DAAM2: variants seen among roughly 807,000 people sequenced by gnomAD.
The protein encoded by DAAM2 is dishevelled associated activator of morphogenesis 2.
DAAM2 carries 39 observed loss-of-function variants against 120.7 expected under a neutral mutation model. That is an observed-to-expected ratio of 0.32 (90% confidence interval 0.25 to 0.42). DAAM2 has a LOEUF of 0.42. Among genes scored for constraint, DAAM2 ranks in the 10% least tolerant of loss-of-function variants. The pLI is 1.00. For synonymous variants in DAAM2, 488 were observed against 524.9 expected (o/e 0.93, Z 0.96); for missense variants, 1,283 against 1,401.7 (o/e 0.92, Z 1.35).
chr6:39,797,671 A>G (rs1320228186), intron 1 of DAAM2, among the ~76,000 whole-genome samples: 1 of 152,212 alleles, frequency 6.6e-6, no homozygotes, highest in Non-Finnish European at 1.5e-5. Flanking sequence ...CTAAGCTGAG[A>G]ATCACTGGTC....
chr6:39,896,734 G>A (rs2149371463), intron 19 of DAAM2, 78 bp from the exon 20 acceptor site: 1 of 1,308,648 alleles, frequency 7.6e-7, no homozygotes, highest in South Asian at 1.7e-5. Flanking sequence ...ACTTTGCGGT[G>A]GCATCTTCCT....
chr6:39,901,225 GAACCCAGCT>G lies in DAAM2; in HGVS notation c.2812-72_2812-64del, dbSNP rs1182771287. 2.8e-6 allele frequency: 4 copies of G among 1,421,388 alleles called. No individual in the cohort carries two copies. Among genetic ancestry groups the G allele is most frequent in the Non-Finnish European group, 3.9e-6 (4 of 1,025,860 alleles). The allele number at this position is 1,421,388 out of a possible 1,614,324, so 88.0% of individuals were successfully genotyped here. On this transcript the variant is annotated intron_variant, in intron 23 of 24. Coordinates refer to ENST00000274867, the MANE Select transcript of DAAM2 (RefSeq NM_001201427.2). This position sits in a 1 kb window ranked among gnomAD's most constrained non-coding sequence, Gnocchi z 4.5. ...CTTGCGCTGGGCTCTGCTCTGGCTA[GAACCCAGCT>G]AACCTCAGGGGCTGAGCCCAGCATG...
intron 19 of DAAM2, among the ~76,000 whole-genome samples, 197 bp from the exon 20 acceptor site, chr6:39,896,615 G>A (rs1297530157): frequency 6.6e-6 from 1 of 152,214 alleles, no homozygotes; most frequent in Non-Finnish European, 1.5e-5. Flanking sequence ...TGGTGAATGT[G>A]TCTGCTTCCC....
intron 2 of DAAM2, among the ~76,000 whole-genome samples, chr6:39,858,720 G>A (rs1764100909): frequency 1.3e-5 from 2 of 152,154 alleles, no homozygotes; most frequent in Non-Finnish European, 1.5e-5. Flanking sequence ...TAGTAGAGAC[G>A]TACTGGAGAC....
At chr6:39,837,258 A>C in intron 1 of DAAM2, among the ~76,000 whole-genome samples, 1 of 152,154 alleles carries the variant, frequency 6.6e-6, no homozygotes, top group Admixed American at 6.5e-5. Flanking sequence ...GCATCTTGGC[A>C]GTGGGGTCAG....
intron 1 of DAAM2, among the ~76,000 whole-genome samples, chr6:39,849,203 T>C (rs1447239927): frequency 6.6e-6 from 1 of 152,212 alleles, no homozygotes; most frequent in Non-Finnish European, 1.5e-5. Flanking sequence ...ACGGTCTCTG[T>C]TGCATGGTAG....
chr6:39,814,953 C>A (rs2114089442), intron 1 of DAAM2, among the ~76,000 whole-genome samples: 2 of 152,330 alleles, frequency 1.3e-5, no homozygotes, highest in Non-Finnish European at 2.9e-5. Context: ...CCAGATGTCA[C>A]CCGAGGAGCC....
At chr6:39,886,449 T>C (rs1159757813) in intron 15 of DAAM2, 2 of 399,270 alleles carry the variant, frequency 5.0e-6, no homozygotes, top group East Asian at 7.1e-5. Context: ...TCTCAGCAGG[T>C]GAGTTACTCT....
In DAAM2 at chr6:39,815,995, T is replaced by G. The variant is rs1036758028; in HGVS notation, c.-57+23530T>G. 7.9e-5 allele frequency among the ~76,000 whole-genome samples: 12 copies of G among 152,366 alleles called. No individual in the cohort carries two copies. In the South Asian group the frequency reaches 8.3e-4, roughly 11 times the overall value. ...CTTCTAAAGAATGGACCTTCTACCC[T>G]GATTCTCATGCTGGATTCCTCCCTC... On this transcript the variant is annotated intron_variant, in intron 1 of 24. Coordinates refer to ENST00000274867, the MANE Select transcript of DAAM2 (RefSeq NM_001201427.2).
chr6:39,817,044 C>T (rs905273978), intron 1 of DAAM2, among the ~76,000 whole-genome samples: 4 of 152,212 alleles, frequency 2.6e-5, no homozygotes, highest in African/African-American at 7.2e-5. Context: ...TCAGATTCCT[C>T]AGCAGAGCTC....
chr6:39,893,677 T>C (rs1765887721), intron 19 of DAAM2, among the ~76,000 whole-genome samples: 1 of 152,244 alleles, frequency 6.6e-6, no homozygotes, highest in Non-Finnish European at 1.5e-5. Flanking sequence ...TGTATAGCAA[T>C]GGCTGCTGTC....
At position 39,891,637 on chromosome 6, in the gene DAAM2, T is replaced by C; in HGVS notation, c.2256T>C (p.Ile752=). 1 of 1,611,164 alleles carries C rather than the reference T, an allele frequency of 6.2e-7. No individual in the cohort carries two copies. The highest frequency in any genetic ancestry group is 8.5e-7 in the Non-Finnish European group (1 of 1,178,668). The change falls in exon 19 of 25, where the codon ATT becomes ATC. Residue 752 remains isoleucine, a synonymous_variant. Coordinates refer to ENST00000274867, the MANE Select transcript of DAAM2 (RefSeq NM_001201427.2). The part of the protein sequence containing the change: ...ADRFLYEMSR[I]DHYQQRLQAL... ...ATATGGTTCACCTTGTCTACAGGAT[T>C]GACCACTACCAGCAGCGACTGCAAG...
At chr6:39,847,639 C>T (rs1341994454) in intron 1 of DAAM2, among the ~76,000 whole-genome samples, 2 of 152,044 alleles carry the variant, frequency 1.3e-5, no homozygotes, top group African/African-American at 4.8e-5. Context: ...GCCCCTCATC[C>T]TCTCACTCAC....
intron 1 of DAAM2, among the ~76,000 whole-genome samples, chr6:39,795,680 T>C (rs1761679137): frequency 6.6e-6 from 1 of 152,200 alleles, no homozygotes; most frequent in African/African-American, 2.4e-5. Context: ...TCTAGCTACA[T>C]ATTTTCCATG....
intron 14 of DAAM2, among the ~76,000 whole-genome samples, chr6:39,882,819 G>A (rs1765188806): frequency 6.6e-6 from 1 of 152,004 alleles, no homozygotes; most frequent in Non-Finnish European, 1.5e-5. Context: ...ATCCCTTGCT[G>A]CTCCAAGCTT....
At chr6:39,897,897 T>A (rs1766212977) in intron 21 of DAAM2, among the ~76,000 whole-genome samples, 1 of 152,220 alleles carries the variant, frequency 6.6e-6, no homozygotes, top group East Asian at 1.9e-4. Flanking sequence ...GTTGACTGTA[T>A]GGGCACCACC....
intron 14 of DAAM2, among the ~76,000 whole-genome samples, chr6:39,882,981 G>C (rs1375060808): frequency 6.6e-6 from 1 of 152,104 alleles, no homozygotes; most frequent in Non-Finnish European, 1.5e-5. Context: ...TTTCTGAGGG[G>C]GGTTGTAGGG....
chr6:39,899,036 G>GGCACAATGA (rs1439797677), intron 22 of DAAM2, 99 bp downstream of exon 22: 1 of 922,898 alleles, frequency 1.1e-6, no homozygotes, highest in Non-Finnish European at 1.7e-6. Context: ...AAAAACAATG[G>GGCACAATGA]GTACAGCCTC....
intron 1 of DAAM2, chr6:39,792,906 C>T (rs1382563015): frequency 6.6e-6 from 1 of 152,234 alleles, no homozygotes; most frequent in African/African-American, 2.4e-5. Flanking sequence ...CTGAAGTCTT[C>T]ACAAGCCCCC....
Sources: gnomAD v4.1 joint callset for allele counts (sites outside exome capture counted in the v4.1 genomes callset) on GRCh38, gnomAD v4.1.1 for gene constraint, Gnocchi (gnomAD v3.1) non-coding constraint, MANE v1.5 for transcripts, NCBI Gene and HGNC (gene_info 2026-07-23, HGNC 2026-07-21) for gene names.